The following IFNGR2 variants were observed in gnomAD, a reference collection of about 807,000 sequenced individuals.
The protein encoded by IFNGR2 is interferon gamma receptor 2.
Under a neutral mutation model 41.1 loss-of-function variants are expected in IFNGR2, and 15 were observed. That is an observed-to-expected ratio of 0.37 (90% CI 0.24 to 0.56). The LOEUF is 0.56. Among genes scored for constraint, IFNGR2 ranks in the 20% least tolerant of loss-of-function variants. IFNGR2 has a pLI of 0.81. For missense variants in IFNGR2, 362 were observed against 415.7 expected (o/e 0.87, Z 1.12); for synonymous variants, 161 against 171.6 (o/e 0.94, Z 0.48).
chr21:33,405,070 C>A (rs1157030349), intron 1 of IFNGR2, among the ~76,000 whole-genome samples: 1 of 149,464 alleles, frequency 6.7e-6, no homozygotes, highest in Non-Finnish European at 1.5e-5. Flanking sequence ...CCACTGCACT[C>A]CCGCCTGGGC....
intron 1 of IFNGR2, chr21:33,411,597 G>T (rs1238116379): frequency 2.2e-6 from 1 of 453,588 alleles, no homozygotes; most frequent in Non-Finnish European, 4.6e-6. Context: ...GCCCTGATGT[G>T]GGGAGATTGT....
chr21:33,416,202 A>C (rs927093326), intron 2 of IFNGR2, among the ~76,000 whole-genome samples: 2 of 152,122 alleles, frequency 1.3e-5, no homozygotes, highest in African/African-American at 2.4e-5. Context: ...TCAACCCCCC[A>C]TCAAAAAAAA....
At chr21:33,430,858 T>C (rs901806605) in intron 4 of IFNGR2, among the ~76,000 whole-genome samples, 1 of 152,260 alleles carries the variant, frequency 6.6e-6, no homozygotes, top group African/African-American at 2.4e-5. Context: ...CAAGCATATG[T>C]TATACCACCA....
At chr21:33,416,685 A>G (rs1460175162) in intron 2 of IFNGR2, among the ~76,000 whole-genome samples, 2 of 151,644 alleles carry the variant, frequency 1.3e-5, no homozygotes, top group Non-Finnish European at 3.0e-5. Flanking sequence ...AGCTGGGTGT[A>G]GTGGCGGGCG....
chr21:33,406,520 CAA>C (rs1436786679), intron 1 of IFNGR2, among the ~76,000 whole-genome samples: 1 of 151,664 alleles, frequency 6.6e-6, no homozygotes, highest in Non-Finnish European at 1.5e-5. Context: ...AGTCAAAACA[CAA>C]AGTGAAAATA....
intron 1 of IFNGR2, 82 bp from the exon 2 acceptor site, chr21:33,414,806 T>C: frequency 6.9e-7 from 1 of 1,441,880 alleles, no homozygotes; most frequent in Non-Finnish European, 9.5e-7. Flanking sequence ...ATGACTTAGA[T>C]AATGGACATT....
At chr21:33,425,454 A>G (rs1449810206) in intron 3 of IFNGR2, among the ~76,000 whole-genome samples, 3 of 152,196 alleles carry the variant, frequency 2.0e-5, no homozygotes, top group African/African-American at 7.2e-5. Flanking sequence ...TCAGCCGTGC[A>G]GTGGCCAGCT....
Position 33,437,079 on chromosome 21 carries a change from C to T in IFNGR2, c.*117C>T, listed in dbSNP as rs2083962812. ...TTCCCTTTTGCTGCCTCTAAAAGGCCTGTCCCTGCAGACATGAGAGACAGC... is the reference window on the plus strand; with the variant it reads ...TTCCCTTTTGCTGCCTCTAAAAGGCTTGTCCCTGCAGACATGAGAGACAGC... On this transcript the variant is annotated 3_prime_UTR_variant, in exon 7 of 7. Transcript: ENST00000290219. 9.8e-6 allele frequency: 10 copies of T among 1,021,736 alleles called. No homozygotes were observed. Among genetic ancestry groups the T allele is most frequent in the Non-Finnish European group, 1.5e-5 (10 of 662,784 alleles). The allele number at this position is 1,021,736 out of a possible 1,614,324, so 63.3% of individuals were successfully genotyped here. A position where few individuals can be genotyped will look rare whatever the true frequency, so the allele number is the denominator to read the frequency against.
chr21:33,404,996 G>A (rs918033335), intron 1 of IFNGR2, among the ~76,000 whole-genome samples: 2 of 151,352 alleles, frequency 1.3e-5, no homozygotes, highest in Non-Finnish European at 2.9e-5. Flanking sequence ...GCGCCCGCCT[G>A]TAATCCCAAC....
Position 33,436,904 on chromosome 21 carries a change from C to G in IFNGR2, c.956C>G (p.Ser319Cys), listed in dbSNP as rs1189651378. 2.5e-6 allele frequency: 4 copies of G among 1,613,862 alleles called. No homozygotes were observed. The highest frequency in any genetic ancestry group is 1.3e-5 in the African/African-American group (1 of 74,894). ...DSSPKDDVWD[S>C]VSIISFPEKE... ...TCACCAAAGGATGACGTCTGGGACT[C>G]TGTGTCCATTATCTCGTTTCCGGAA... The change falls in exon 7 of 7, where the codon TCT (serine) becomes TGT (cysteine). Residue 319 changes from serine to cysteine, a missense_variant. Coordinates refer to ENST00000290219, the MANE Select transcript of IFNGR2 (RefSeq NM_005534.4).
At chr21:33,404,204 C>T (rs531847849) in intron 1 of IFNGR2, among the ~76,000 whole-genome samples, 2 of 152,382 alleles carry the variant, frequency 1.3e-5, no homozygotes, top group Admixed American at 6.5e-5. Context: ...TGGCTGGAAG[C>T]TAGACTCAGT....
intron 1 of IFNGR2, 101 bp from the exon 2 acceptor site, chr21:33,414,787 G>A: frequency 7.3e-7 from 1 of 1,369,804 alleles, no homozygotes; most frequent in Non-Finnish European, 1.0e-6. Flanking sequence ...CAAAAACTGA[G>A]TTGTATGAAT....
chr21:33,404,381 C>T (rs1389939731), intron 1 of IFNGR2, among the ~76,000 whole-genome samples: 4 of 152,164 alleles, frequency 2.6e-5, no homozygotes. Flanking sequence ...CAGAACTGTC[C>T]GGGTCCCATC....
At chr21:33,429,874 T>TA (rs1476132280) in intron 4 of IFNGR2, among the ~76,000 whole-genome samples, 1 of 152,052 alleles carries the variant, frequency 6.6e-6, no homozygotes, top group Non-Finnish European at 1.5e-5. Context: ...CGCGGTGGCT[T>TA]ACGCCTGTAA....
intron 1 of IFNGR2, among the ~76,000 whole-genome samples, chr21:33,412,353 A>G (rs964090881): frequency 2.6e-5 from 4 of 152,012 alleles, no homozygotes; most frequent in African/African-American, 7.2e-5. Context: ...AAAGTGTTTG[A>G]TTTTCTTTGT....
chr21:33,426,451 G>A (rs2083836603), intron 3 of IFNGR2, among the ~76,000 whole-genome samples: 1 of 151,904 alleles, frequency 6.6e-6, no homozygotes, highest in African/African-American at 2.4e-5. Context: ...AGGCGCGGTG[G>A]CTCACACCTG....
At chr21:33,420,570 G>A (rs1293237287) in intron 2 of IFNGR2, among the ~76,000 whole-genome samples, 1 of 152,186 alleles carries the variant, frequency 6.6e-6, no homozygotes, top group Non-Finnish European at 1.5e-5. Flanking sequence ...AGCAGGACTG[G>A]AGTTTGTATT....
chr21:33,426,528 C>G (rs1178293714), intron 3 of IFNGR2, among the ~76,000 whole-genome samples: 3 of 151,742 alleles, frequency 2.0e-5, no homozygotes, highest in African/African-American at 4.8e-5. Flanking sequence ...AACAGCCTGG[C>G]CAACATGATG....
chr21:33,424,506 T>C (rs1016735863), intron 3 of IFNGR2, among the ~76,000 whole-genome samples: 2 of 152,120 alleles, frequency 1.3e-5, no homozygotes, highest in African/African-American at 2.4e-5. Context: ...GGTGGTCTCA[T>C]GTCACATCTG....
Sources: allele counts gnomAD v4.1 joint callset (sites outside exome capture counted in the v4.1 genomes callset), GRCh38; gene constraint gnomAD v4.1.1; transcripts MANE v1.5; gene names NCBI Gene and HGNC (gene_info 2026-07-23, HGNC 2026-07-21).